The following DYNC2H1 variants were observed in gnomAD, a reference collection of about 807,000 sequenced individuals.
DYNC2H1 encodes the protein cytoplasmic dynein 2 heavy chain 1.
In DYNC2H1, 410 loss-of-function variants were observed where a neutral mutation model predicts 570.0. The observed-to-expected ratio is 0.72, with a 90% CI of 0.66 to 0.78. The LOEUF (loss-of-function observed/expected upper bound fraction) is 0.78. DYNC2H1 is among the 30% of genes least tolerant of loss of function. The pLI is 0.00. For missense variants in DYNC2H1, 4,865 were observed against 5,046.4 expected (o/e 0.96, Z 1.09); for synonymous variants, 1,688 against 1,677.6 (o/e 1.01, Z -0.15).
chr11:103,463,075 T>C (rs1945075170), intron 87 of DYNC2H1, among the ~76,000 whole-genome samples: 1 of 152,210 alleles, frequency 6.6e-6, no homozygotes, highest in Non-Finnish European at 1.5e-5. Context: ...CAAACCTTAT[T>C]TTTCTTTCAA....
intron 49 of DYNC2H1, 36 bp from the exon 50 acceptor site, chr11:103,200,010 T>A (rs1454426182): frequency 7.1e-7 from 1 of 1,411,122 alleles, no homozygotes; most frequent in Admixed American, 2.0e-5. Flanking sequence ...CCAAAAATAC[T>A]TAAAGGGCAC....
rs1177336791 is a variant in DYNC2H1, at chr11:103,275,877, A to G, written c.10696-4471A>G. Among the ~76,000 whole-genome samples, 1 of 152,188 alleles carries G rather than the reference A, an allele frequency of 6.6e-6. No individual in the cohort carries two copies. Among genetic ancestry groups the G allele is most frequent in the African/African-American group, 2.4e-5 (1 of 41,452 alleles). On this transcript the variant is annotated intron_variant, in intron 70 of 88. Coordinates refer to ENST00000375735, the MANE Select transcript of DYNC2H1 (RefSeq NM_001377.3). This position sits in a 1 kb window ranked among gnomAD's most constrained non-coding sequence, Gnocchi z 4.8. ...AACATTTCAACACATTTAGGTAAAT[A>G]CCAAGGAAGGCAATTTCTGGATCAT... is the stretch of plus-strand genomic sequence containing the variant.
rs1867236140 is a variant in DYNC2H1, at chr11:103,305,350, A to G, written c.11382+630A>G. ...TGATTTTAATTCCATCAGCACAAGT[A>G]GAGATAGTGTTGGGGATGTCCACCC... is the stretch of plus-strand genomic sequence containing the variant. On this transcript the variant is annotated intron_variant, in intron 77 of 88. Transcript: ENST00000375735. The surrounding 1 kb of genome is among the most constrained non-coding windows in gnomAD (Gnocchi z 4.3). Among the ~76,000 whole-genome samples the G allele has an allele frequency of 2.0e-5, 3 of 152,160 alleles. No homozygotes were observed. Among genetic ancestry groups the G allele is most frequent in the Non-Finnish European group, 4.4e-5 (3 of 68,030 alleles).
At chr11:103,443,637 A>G (rs889701064) in intron 85 of DYNC2H1, among the ~76,000 whole-genome samples, 1 of 150,386 alleles carries the variant, frequency 6.6e-6, no homozygotes, top group African/African-American at 2.5e-5. Flanking sequence ...ATTATTGGTA[A>G]TCTATGTCAG....
At chr11:103,365,251 C>T (rs1202931254) in intron 83 of DYNC2H1, among the ~76,000 whole-genome samples, 2 of 151,948 alleles carry the variant, frequency 1.3e-5, no homozygotes, top group African/African-American at 4.8e-5. Flanking sequence ...ATTCTGGCTA[C>T]TCAGGAGGCT....
In DYNC2H1 at chr11:103,363,824, T is replaced by C. The variant is rs1265080275; in HGVS notation, c.12156+5465T>C. On this transcript the variant is annotated intron_variant, in intron 83 of 88. Coordinates refer to ENST00000375735, the MANE Select transcript of DYNC2H1 (RefSeq NM_001377.3). The surrounding 1 kb of genome is among the most constrained non-coding windows in gnomAD (Gnocchi z 5.6). ...CTTTATGTTTAAGGGGAGAAAACAC[T>C]ATTATATAAAAGGTAAACACCAGCT... Among the ~76,000 whole-genome samples, 2 of 152,212 alleles carry C rather than the reference T, an allele frequency of 1.3e-5. No homozygotes were observed. Among genetic ancestry groups the C allele is most frequent in the African/African-American group, 2.4e-5 (1 of 41,460 alleles).
Position 103,186,287 on chromosome 11 carries a change from A to G in DYNC2H1, c.6679A>G (p.Met2227Val), listed in dbSNP as rs750249486. 6.2e-6 allele frequency: 10 copies of G among 1,612,186 alleles called. No homozygotes were observed. The highest frequency in any genetic ancestry group is 3.3e-5 in the South Asian group (3 of 91,030). The part of the protein sequence containing the change: ...RESPPDFHKP[M>V]DTYYDSTRGR... ...ATCTCCTCCAGACTTTCACAAACCTATGGATACCTACTATGACTCTACTAG... is the reference window on the plus strand; with the variant it reads ...ATCTCCTCCAGACTTTCACAAACCTGTGGATACCTACTATGACTCTACTAG... Residue 2227 changes from methionine to valine, a missense_variant, in exon 42 of 89, where the codon ATG (methionine) becomes GTG (valine). Transcript: ENST00000375735. The surrounding 1 kb of genome is among the most constrained non-coding windows in gnomAD (Gnocchi z 4.5).
Position 103,334,158 on chromosome 11 carries a change from A to G in DYNC2H1, c.12039+10168A>G, listed in dbSNP as rs1479574081. 6.6e-6 allele frequency among the ~76,000 whole-genome samples: 1 copy of G among 152,210 alleles called. No individual in the cohort carries two copies. The highest frequency in any genetic ancestry group is 1.9e-4 in the East Asian group (1 of 5,194). On this transcript the variant is annotated intron_variant, in intron 82 of 88. Transcript: ENST00000375735. This position sits in a 1 kb window ranked among gnomAD's most constrained non-coding sequence, Gnocchi z 4.3. ...CTTACTAATTTAATGATTTGAATGAAATCGAGATACAATAAAATCTTAATT... is the reference window on the plus strand; with the variant it reads ...CTTACTAATTTAATGATTTGAATGAGATCGAGATACAATAAAATCTTAATT...
chr11:103,451,316 TA>T (rs1332754011), intron 85 of DYNC2H1, among the ~76,000 whole-genome samples: 4 of 143,464 alleles, frequency 2.8e-5, no homozygotes, highest in Non-Finnish European at 6.0e-5. Flanking sequence ...AATCACTGAG[TA>T]AAAGGGCTTT....
chr11:103,320,380 T>C (rs12292285), intron 80 of DYNC2H1, among the ~76,000 whole-genome samples: 24,894 of 152,046 alleles, frequency 0.16, 2,224 homozygotes, highest in Admixed American at 0.26. Flanking sequence ...CCAGCCTGGG[T>C]GACAGAGTGA....
chr11:103,150,998 A>C (rs895172698), intron 20 of DYNC2H1, among the ~76,000 whole-genome samples: 1 of 152,178 alleles, frequency 6.6e-6, no homozygotes, highest in African/African-American at 2.4e-5. Context: ...GCTGGATTTT[A>C]TATAGCAAAG....
At position 103,157,004 on chromosome 11, in the gene DYNC2H1, T is replaced by TA. The variant is rs1458773160; in HGVS notation, c.4127+238dup. On this transcript the variant is annotated intron_variant, in intron 26 of 88. Transcript: ENST00000375735. This position sits in a 1 kb window ranked among gnomAD's most constrained non-coding sequence, Gnocchi z 4.2. Reference sequence around the variant, plus strand: ...ACTCTACCTAATAATACATACTTCATAAAATCACTAATTACTTTCTCTTTT... The same window carrying TA: ...ACTCTACCTAATAATACATACTTCATAAAAATCACTAATTACTTTCTCTTTT... 6.6e-6 allele frequency among the ~76,000 whole-genome samples: 1 copy of TA among 152,226 alleles called. No homozygotes were observed. Among genetic ancestry groups the TA allele is most frequent in the Non-Finnish European group, 1.5e-5 (1 of 68,032 alleles).
intron 15 of DYNC2H1, among the ~76,000 whole-genome samples, chr11:103,134,834 A>G (rs1017774032): frequency 4.6e-5 from 7 of 152,082 alleles, no homozygotes; most frequent in Non-Finnish European, 1.0e-4. Flanking sequence ...AGTTCTATTC[A>G]TATTTTGATA....
In DYNC2H1 at chr11:103,438,248, C is replaced by T. The variant is rs146431923; in HGVS notation, c.12456+2216C>T. 4.6e-3 allele frequency among the ~76,000 whole-genome samples: 696 copies of T among 151,956 alleles called. 3 individuals carry two copies. The highest frequency in any genetic ancestry group is 0.016 in the African/African-American group (670 of 41,444). ...ATAAATATATATAGATATCCATCTC[C>T]CTGAGGTAACCTTTAATATTTGGGA... On this transcript the variant is annotated intron_variant, in intron 85 of 88. Transcript: ENST00000375735.
intron 10 of DYNC2H1, 36 bp from the exon 11 acceptor site, chr11:103,122,789 T>C (rs747692396): frequency 6.4e-7 from 1 of 1,572,648 alleles, no homozygotes; most frequent in Non-Finnish European, 8.7e-7. Context: ...TTTTGGAATT[T>C]AAATAATGCA....
chr11:103,234,276 T>C, intron 61 of DYNC2H1, 116 bp downstream of exon 61: 2 of 1,226,276 alleles, frequency 1.6e-6, no homozygotes, highest in Non-Finnish European at 2.2e-6. Flanking sequence ...TGGCTCAGGA[T>C]AAATAATCTG....
At chr11:103,358,201 A>T in intron 82 of DYNC2H1, 42 bp from the exon 83 acceptor site, 1 of 1,189,618 alleles carries the variant, frequency 8.4e-7, no homozygotes, top group Non-Finnish European at 1.2e-6. Flanking sequence ...TGTTCGGCTG[A>T]AGTTCTTTTT....
At chr11:103,338,302 G>A (rs1489190950) in intron 82 of DYNC2H1, among the ~76,000 whole-genome samples, 2 of 143,654 alleles carry the variant, frequency 1.4e-5, no homozygotes, top group Non-Finnish European at 3.1e-5. Flanking sequence ...GAGTCAGGAA[G>A]TATGATTTGC....
In DYNC2H1 at chr11:103,324,465, C is replaced by T. The variant is rs1156393661; in HGVS notation, c.12039+475C>T. Among the ~76,000 whole-genome samples the T allele has an allele frequency of 6.6e-6, 1 of 152,172 alleles. No individual in the cohort carries two copies. Among genetic ancestry groups the T allele is most frequent in the Non-Finnish European group, 1.5e-5 (1 of 68,032 alleles). ...GTGTTAGTTTGCTTATGAAAATGATCTCCAGCTCCATCCATCCTTGCTGTG... is the reference window on the plus strand; with the variant it reads ...GTGTTAGTTTGCTTATGAAAATGATTTCCAGCTCCATCCATCCTTGCTGTG... On this transcript the variant is annotated intron_variant, in intron 82 of 88. Coordinates refer to ENST00000375735, the MANE Select transcript of DYNC2H1 (RefSeq NM_001377.3). This position sits in a 1 kb window ranked among gnomAD's most constrained non-coding sequence, Gnocchi z 5.2.
Sources: allele counts gnomAD v4.1 joint callset (sites outside exome capture counted in the v4.1 genomes callset), GRCh38; gene constraint gnomAD v4.1.1; non-coding constraint Gnocchi (gnomAD v3.1); transcripts MANE v1.5; gene names NCBI Gene and HGNC (gene_info 2026-07-23, HGNC 2026-07-21).